Variants in SMS observed in about 807,000 individuals in gnomAD.
SMS encodes spermidine aminopropyltransferase.
SMS carries 3 observed loss-of-function variants against 33.0 expected under a neutral mutation model. That is an observed-to-expected ratio of 0.09 (90% CI 0.04 to 0.23). The LOEUF is 0.23. Ranked by LOEUF, SMS falls within the 10% of genes least tolerant of loss-of-function variation. SMS has a pLI of 1.00. For missense variants in SMS, 117 were observed against 288.6 expected, an observed-to-expected ratio of 0.41 and a Z score of 4.31; for synonymous variants, 103 against 112.2, an observed-to-expected ratio of 0.92 and a Z score of 0.52.
chrX:21,975,117 A>G, intron 4 of SMS, among the ~76,000 whole-genome samples: 1 of 111,264 alleles, frequency 9.0e-6, no homozygotes, highest in Non-Finnish European at 1.9e-5. Context: ...CAGTATACCT[A>G]AGGCCTGGGC....
intron 1 of SMS, among the ~76,000 whole-genome samples, chrX:21,944,953 T>A (rs1440754666): frequency 8.9e-6 from 1 of 112,012 alleles, no homozygotes; most frequent in Non-Finnish European, 1.9e-5. Flanking sequence ...CACTCCAGCC[T>A]GGGCGACAGA....
intron 1 of SMS, among the ~76,000 whole-genome samples, chrX:21,963,519 T>C (rs1226518251): frequency 1.8e-5 from 2 of 112,519 alleles, no homozygotes; most frequent in Non-Finnish European, 3.8e-5. Context: ...GTGTAGTTTT[T>C]CCTTCAGTTT....
In SMS at chrX:21,994,254, C is replaced by CAAGTGATGTCTTTTCTT. The variant is rs1490794623; in HGVS notation, c.1062-57_1062-41dup. 6.6e-6 allele frequency: 7 copies of CAAGTGATGTCTTTTCTT among 1,053,566 alleles called. No individual in the cohort carries two copies. In the African/African-American group the frequency reaches 9.2e-5, roughly 14 times the overall value. 86.8% of individuals were successfully genotyped at this position (1,053,566 alleles called of 1,213,427 possible). On this transcript the variant is annotated intron_variant, in intron 10 of 10. Coordinates refer to ENST00000404933, the MANE Select transcript of SMS (RefSeq NM_004595.5). ...AATTTGTAGGCCAGCAAACGAATTA[C>CAAGTGATGTCTTTTCTT]AAGTGATGTCTTTTCTTCCTTGAAT...
chrX:21,962,338 A>G (rs898142790), intron 1 of SMS, among the ~76,000 whole-genome samples: 3 of 112,425 alleles, frequency 2.7e-5, no homozygotes, highest in East Asian at 5.6e-4. Flanking sequence ...AATTTGGAAT[A>G]ATTACAAAGC....
At chrX:21,945,642 C>T (rs1476869623) in intron 1 of SMS, among the ~76,000 whole-genome samples, 1 of 76,227 alleles carries the variant, frequency 1.3e-5, no homozygotes, top group Non-Finnish European at 2.5e-5. Context: ...CGTCCCCCCC[C>T]CCACCCCCTA....
intron 1 of SMS, among the ~76,000 whole-genome samples, chrX:21,958,420 TGTTA>T (rs1923119572): frequency 2.7e-5 from 3 of 112,441 alleles, no homozygotes; most frequent in East Asian, 5.6e-4. Flanking sequence ...AGGCTCAGCG[TGTTA>T]GTTTGGGATT....
At position 21,992,670 on chromosome X, in the gene SMS, A is replaced by G. The variant is rs751460863; in HGVS notation, c.1019A>G (p.Glu340Gly). The G allele has an allele frequency of 7.5e-6, 9 of 1,200,540 alleles. No individual in the cohort carries two copies. The highest frequency in any genetic ancestry group is 5.5e-4 in the Middle Eastern group (2 of 3,659). ...CTGGGGCGCCTGTATTGTCCTGTGG[A>G]ATTTTCAAAGGAGATCGTCTGTGTC... ...EQLGRLYCPV[E>G]FSKEIVCVPS... The change falls in exon 10 of 11, where the codon GAA (glutamate) becomes GGA (glycine). Residue 340 changes from glutamate to glycine, a missense_variant. Physicochemically the swap from Glu to Gly is moderately conservative, Grantham distance 98 (BLOSUM62 -2). Around this residue, in one of 3 missense-constraint regions of SMS, gnomAD observed 69 missense variants for 203.8 expected, o/e 0.34. Transcript: ENST00000404933.
At chrX:21,965,857 G>A (rs944860458) in intron 1 of SMS, among the ~76,000 whole-genome samples, 4 of 111,992 alleles carry the variant, frequency 3.6e-5, no homozygotes, top group Non-Finnish European at 5.6e-5. Flanking sequence ...TTGGGAGGCT[G>A]AAGCAAGAGG....
chrX:21,965,582 T>TAAAAAAAA (rs1326643090), intron 1 of SMS, among the ~76,000 whole-genome samples: 1 of 3,755 alleles, frequency 2.7e-4, no homozygotes, highest in African/African-American at 4.6e-3. Context: ...CTACTACAAA[T>TAAAAAAAA]ACAAAAAAAA....
Position 21,946,727 on chromosome X carries a change from C to T in SMS, c.49+5854C>T, listed in dbSNP as rs1337117124. ...AGCATCTAGTACGTCCTGCAGCGCACAGGACAACTCCCCTGCGGCATTGAC... is the reference window on the plus strand; with the variant it reads ...AGCATCTAGTACGTCCTGCAGCGCATAGGACAACTCCCCTGCGGCATTGAC... On this transcript the variant is annotated intron_variant, in intron 1 of 10. Transcript: ENST00000404933. Among the ~76,000 whole-genome samples the T allele has an allele frequency of 2.7e-5, 3 of 111,746 alleles. No homozygotes were observed. In the East Asian group the frequency reaches 8.4e-4, roughly 31 times the overall value.
At chrX:21,945,778 CCA>C (rs760437918) in intron 1 of SMS, among the ~76,000 whole-genome samples, 1 of 109,360 alleles carries the variant, frequency 9.1e-6, no homozygotes, top group African/African-American at 3.3e-5. Context: ...GCACGCGGCA[CCA>C]CACCCGGCTA....
At chrX:21,974,155 C>T (rs1477469653) in intron 4 of SMS, among the ~76,000 whole-genome samples, 4 of 112,277 alleles carry the variant, frequency 3.6e-5, no homozygotes, top group African/African-American at 1.3e-4. Flanking sequence ...AGAAGGAATC[C>T]TTATTGGCAA....
intron 1 of SMS, among the ~76,000 whole-genome samples, chrX:21,945,634 T>TCCCCCC (rs376720187): frequency 4.4e-4 from 15 of 34,133 alleles, no homozygotes; most frequent in Admixed American, 8.5e-4. Flanking sequence ...TTGCTTCCCG[T>TCCCCCC]CCCCCCCCCC....
intron 1 of SMS, among the ~76,000 whole-genome samples, chrX:21,961,983 A>AT (rs1420130668): frequency 8.9e-6 from 1 of 112,159 alleles, no homozygotes; most frequent in Non-Finnish European, 1.9e-5. Flanking sequence ...TTTTCTTCTG[A>AT]TTTGTGGACA....
chrX:21,962,808 A>G (rs1251452529), intron 1 of SMS, among the ~76,000 whole-genome samples: 1 of 111,029 alleles, frequency 9.0e-6, no homozygotes, highest in Non-Finnish European at 1.9e-5. Context: ...GGGGCATGCC[A>G]CTATGTCCGG....
intron 1 of SMS, among the ~76,000 whole-genome samples, chrX:21,944,544 A>AAAAAAAAAAAAAG (rs1555992699): frequency 4.0e-5 from 4 of 99,043 alleles, no homozygotes; most frequent in East Asian, 3.4e-4. Context: ...AAAAAAAAAA[A>AAAAAAAAAAAAAG]AGAAAAAAAA....
At chrX:21,965,783 T>TA (rs919699797) in intron 1 of SMS, among the ~76,000 whole-genome samples, 24 of 105,865 alleles carry the variant, frequency 2.3e-4, no homozygotes, top group South Asian at 8.0e-4. Flanking sequence ...AATAAATAAA[T>TA]AAAAAAAAAC....
chrX:21,942,511 G>A (rs778002414), intron 1 of SMS, among the ~76,000 whole-genome samples: 5 of 112,219 alleles, frequency 4.5e-5, no homozygotes, highest in Non-Finnish European at 9.4e-5. Flanking sequence ...GTGTATTTAG[G>A]TGGTCTGAAG....
intron 9 of SMS, among the ~76,000 whole-genome samples, chrX:21,990,582 A>ATT (rs1411283732): frequency 2.7e-5 from 3 of 112,688 alleles, no homozygotes; most frequent in Non-Finnish European, 5.6e-5. Context: ...GTAGGTGTCT[A>ATT]TTTGTGGTGT....
Sources: allele counts gnomAD v4.1 joint callset (sites outside exome capture counted in the v4.1 genomes callset), GRCh38; gene constraint gnomAD v4.1.1; regional missense constraint gnomAD v4.1.1; transcripts MANE v1.5; gene names NCBI Gene and HGNC (gene_info 2026-07-23, HGNC 2026-07-21).